Variants in EPS15L1 observed in about 807,000 individuals in gnomAD.
EPS15L1 encodes the protein epidermal growth factor receptor pathway substrate 15 like 1.
EPS15L1 carries 43 observed loss-of-function variants against 117.1 expected under a neutral mutation model. The ratio of observed to expected loss-of-function variants is 0.37; its 90% CI spans 0.29 to 0.47. The LOEUF (loss-of-function observed/expected upper bound fraction) is 0.47. Ranked by LOEUF, EPS15L1 falls within the 20% of genes least tolerant of loss-of-function variation. The probability of loss-of-function intolerance (pLI) is 0.99; values close to 1 mark genes in which losing one functional copy is unlikely to be tolerated. For missense variants in EPS15L1, 981 were observed against 1,164.0 expected (o/e 0.84, Z 2.29); for synonymous variants, 459 against 470.5 (o/e 0.98, Z 0.32).
At chr19:16,393,089 A>G (rs943619568) in intron 18 of EPS15L1, among the ~76,000 whole-genome samples, 5 of 14,624 alleles carry the variant, frequency 3.4e-4, no homozygotes, top group Non-Finnish European at 1.3e-3. Flanking sequence ...TAATAATAAT[A>G]ATAATAATAA....
chr19:16,414,892 A>G (rs1224862203), intron 12 of EPS15L1, among the ~76,000 whole-genome samples: 1 of 151,716 alleles, frequency 6.6e-6, no homozygotes, highest in Non-Finnish European at 1.5e-5. Context: ...TATTTTTTGT[A>G]GCCGAGGTCT....
At chr19:16,412,716 G>T (rs1423964624) in intron 13 of EPS15L1, 16 of 8,708 alleles carry the variant, frequency 1.8e-3, no homozygotes, top group East Asian at 0.011. Context: ...CGGGGGGTGG[G>T]GGGGGGGGGG....
intron 1 of EPS15L1, among the ~76,000 whole-genome samples, chr19:16,463,133 C>CT (rs1312875869): frequency 1.3e-5 from 2 of 152,166 alleles, no homozygotes; most frequent in African/African-American, 4.8e-5. Flanking sequence ...AGCTGGTCTT[C>CT]TTTTTGACTG....
At chr19:16,393,292 C>T (rs1026534051) in intron 18 of EPS15L1, among the ~76,000 whole-genome samples, 10 of 151,562 alleles carry the variant, frequency 6.6e-5, no homozygotes, top group Non-Finnish European at 1.2e-4. Flanking sequence ...TGAGTGTGCT[C>T]AATACCACTG....
chr19:16,378,730 C>A (rs1290142856), intron 21 of EPS15L1, among the ~76,000 whole-genome samples: 1 of 152,170 alleles, frequency 6.6e-6, no homozygotes. Flanking sequence ...GGGTCTCCAT[C>A]AGCCACAGAA....
Position 16,399,738 on chromosome 19 carries a change from T to C in EPS15L1, c.1791+2583A>G, listed in dbSNP as rs1175680232. 3.3e-5 allele frequency among the ~76,000 whole-genome samples: 5 copies of C among 151,034 alleles called. No individual in the cohort carries two copies. In the Admixed American group the frequency reaches 3.3e-4, roughly 10 times the overall value. ...CTGTGTCACCCAGGCTGGAGTGCAG[T>C]GGCACGCAGCTGGCCTCAAGCAATC... is the stretch of plus-strand genomic sequence containing the variant. On this transcript the variant is annotated intron_variant, in intron 16 of 23. Coordinates refer to ENST00000455140, the MANE Select transcript of EPS15L1 (RefSeq NM_001258374.3).
At chr19:16,403,053 C>T (rs914826061) in intron 15 of EPS15L1, among the ~76,000 whole-genome samples, 2 of 152,214 alleles carry the variant, frequency 1.3e-5, no homozygotes, top group African/African-American at 4.8e-5. Context: ...GCTAATGGAG[C>T]ACAGACAGAG....
At chr19:16,392,518 G>A in intron 18 of EPS15L1, 78 bp from the exon 19 acceptor site, 3 of 1,354,978 alleles carry the variant, frequency 2.2e-6, no homozygotes, top group Non-Finnish European at 3.1e-6. Flanking sequence ...ATCACAGAAT[G>A]ATGCCGTTTA....
intron 21 of EPS15L1, among the ~76,000 whole-genome samples, chr19:16,384,764 C>G (rs2092401280): frequency 6.6e-6 from 1 of 152,256 alleles, no homozygotes; most frequent in African/African-American, 2.4e-5. Flanking sequence ...CCCACTTTCC[C>G]TGGACGCCTC....
chr19:16,367,991 G>GTA (rs1336905288), intron 22 of EPS15L1, among the ~76,000 whole-genome samples: 2 of 152,014 alleles, frequency 1.3e-5, no homozygotes, highest in African/African-American at 4.8e-5. Context: ...GAGAGTGTGT[G>GTA]TGTGTGTGTG....
intron 22 of EPS15L1, among the ~76,000 whole-genome samples, chr19:16,366,692 A>G (rs1191457069): frequency 6.6e-6 from 1 of 152,146 alleles, no homozygotes; most frequent in Non-Finnish European, 1.5e-5. Context: ...CTTTGGTAAG[A>G]GAGGAGATTT....
chr19:16,378,706 G>A (rs1318136898), intron 21 of EPS15L1, among the ~76,000 whole-genome samples: 2 of 152,184 alleles, frequency 1.3e-5, no homozygotes, highest in Admixed American at 1.3e-4. Context: ...CGCCGGTGAG[G>A]CACAGGGGAG....
intron 1 of EPS15L1, among the ~76,000 whole-genome samples, chr19:16,464,808 G>C (rs2093285859): frequency 6.6e-6 from 1 of 152,032 alleles, no homozygotes; most frequent in South Asian, 2.1e-4. Flanking sequence ...TCACGGGTGG[G>C]CATGGTGGCT....
In EPS15L1 at chr19:16,425,227, C is replaced by A. The variant is rs1026384154; in HGVS notation, c.648G>T (p.Lys216Asn). The A allele has an allele frequency of 7.3e-7, 1 of 1,373,842 alleles. No homozygotes were observed. Among genetic ancestry groups the A allele is most frequent in the Admixed American group, 1.9e-5 (1 of 53,718 alleles). The allele number at this position is 1,373,842 out of a possible 1,614,324, so 85.1% of individuals were successfully genotyped here. A position where few individuals can be genotyped will look rare whatever the true frequency, so the allele number is the denominator to read the frequency against. The change falls in exon 9 of 24, where the codon AAG becomes AAT. Residue 216 changes from lysine to asparagine, a missense_variant. Transcript: ENST00000455140. Reference protein sequence around the residue: ...PSLIPPSKRKKTVFPGAVPVL... With the variant: ...PSLIPPSKRKNTVFPGAVPVL... The stretch of plus-strand genomic sequence containing the variant: ...CGGGGACGGCGCCAGGGAACACAGT[C>A]TTCTTTCTCTTGGAGGGTGGGATGA...
chr19:16,458,355 A>G (rs1224370687), intron 1 of EPS15L1, among the ~76,000 whole-genome samples: 1 of 152,214 alleles, frequency 6.6e-6, no homozygotes, highest in African/African-American at 2.4e-5. Context: ...CATCAAAGCC[A>G]GTGAGCTGAC....
intron 16 of EPS15L1, among the ~76,000 whole-genome samples, chr19:16,399,817 C>T (rs1432519703): frequency 3.3e-5 from 5 of 151,972 alleles, no homozygotes; most frequent in Admixed American, 6.6e-5. Context: ...CCATTGTGCC[C>T]GGCCAGTTCC....
At chr19:16,429,389 C>T (rs1458269681) in intron 7 of EPS15L1, among the ~76,000 whole-genome samples, 2 of 152,182 alleles carry the variant, frequency 1.3e-5, no homozygotes. Context: ...GCCTGCCAGG[C>T]CAACGCTGGG....
intron 22 of EPS15L1, among the ~76,000 whole-genome samples, chr19:16,367,474 T>C (rs1353837521): frequency 1.7e-5 from 2 of 118,414 alleles, no homozygotes; most frequent in Non-Finnish European, 3.3e-5. Context: ...ATGAACCAAA[T>C]GGTTTACCAC....
chr19:16,423,983 T>C (rs1057062433), intron 9 of EPS15L1, among the ~76,000 whole-genome samples: 1 of 152,184 alleles, frequency 6.6e-6, no homozygotes, highest in Non-Finnish European at 1.5e-5. Context: ...CCTCAGAGTA[T>C]GTTAGCAGCA....
Sources: allele counts gnomAD v4.1 joint callset (sites outside exome capture counted in the v4.1 genomes callset), GRCh38; gene constraint gnomAD v4.1.1; transcripts MANE v1.5; gene names NCBI Gene and HGNC (gene_info 2026-07-23, HGNC 2026-07-21).